SLCO1A2: variants seen among roughly 807,000 people sequenced by gnomAD.
SLCO1A2 encodes OATP-1.
SLCO1A2 carries 67 observed loss-of-function variants against 69.0 expected under a neutral mutation model. The observed-to-expected ratio is 0.97, with a 90% CI of 0.80 to 1.19. The LOEUF (loss-of-function observed/expected upper bound fraction) is 1.19. Among genes scored for constraint, SLCO1A2 ranks in the 50% most tolerant of loss-of-function variants. The probability of loss-of-function intolerance (pLI) is 0.00; values close to 1 mark genes in which losing one functional copy is unlikely to be tolerated. For missense variants in SLCO1A2, 787 were observed against 793.7 expected, an observed-to-expected ratio of 0.99 and a Z score of 0.10; for synonymous variants, 260 against 265.9, an observed-to-expected ratio of 0.98 and a Z score of 0.22.
chr12:21,362,922 T>A (rs1939043856), intron 2 of SLCO1A2, among the ~76,000 whole-genome samples: 1 of 152,208 alleles, frequency 6.6e-6, no homozygotes, highest in South Asian at 2.1e-4. Flanking sequence ...ACAAAGAGAC[T>A]TAGACTCCCA....
chr12:21,414,690 TTGTTTAGATATTTTAG>T (rs1941963467), intron 1 of SLCO1A2, among the ~76,000 whole-genome samples: 1 of 152,212 alleles, frequency 6.6e-6, no homozygotes, highest in Admixed American at 6.5e-5. Flanking sequence ...ATTGCATGTA[TTGTTTAGATATTTTAG>T]TGTTTAGATA....
chr12:21,292,220 C>T lies in SLCO1A2; in HGVS notation c.1554G>A (p.Ala518=), dbSNP rs370739142. Residue 518 remains alanine, a synonymous_variant, in exon 12 of 15, where the codon GCG becomes GCA. Transcript: ENST00000683939. The part of the protein sequence containing the change: ...LMLQYFLILS[A]MSSFIYSLAA... Reference sequence around the variant, plus strand: ...CCAAAGAATAAATGAAACTGCTCATCGCTGACAAGATTAGGAAGTACTGGA... The same window carrying T: ...CCAAAGAATAAATGAAACTGCTCATTGCTGACAAGATTAGGAAGTACTGGA... 7.4e-6 allele frequency: 12 copies of T among 1,612,312 alleles called. No homozygotes were observed. Among genetic ancestry groups the T allele is most frequent in the African/African-American group, 6.7e-5 (5 of 74,958 alleles).
At chr12:21,275,870 A>G (rs1056986349) in intron 12 of SLCO1A2, among the ~76,000 whole-genome samples, 1 of 152,084 alleles carries the variant, frequency 6.6e-6, no homozygotes, top group African/African-American at 2.4e-5. Flanking sequence ...TGAACCTGGG[A>G]GGCAGAGGTT....
chr12:21,368,506 C>G (rs1311298012), intron 2 of SLCO1A2, among the ~76,000 whole-genome samples: 4 of 151,788 alleles, frequency 2.6e-5, no homozygotes, highest in Non-Finnish European at 5.9e-5. Flanking sequence ...AACGTGAATG[C>G]TGAATGAATA....
At chr12:21,282,681 T>C (rs957672084) in intron 12 of SLCO1A2, among the ~76,000 whole-genome samples, 1 of 152,122 alleles carries the variant, frequency 6.6e-6, no homozygotes, top group Non-Finnish European at 1.5e-5. Context: ...GATCTTCTAT[T>C]TTGAAAAGCC....
chr12:21,353,481 AAAAG>A (rs1347563335), intron 2 of SLCO1A2, among the ~76,000 whole-genome samples: 10 of 151,886 alleles, frequency 6.6e-5, no homozygotes, highest in South Asian at 2.1e-4. Flanking sequence ...AGAAAAAAAA[AAAAG>A]AAAGAAAGAA....
intron 4 of SLCO1A2, among the ~76,000 whole-genome samples, chr12:21,312,960 C>A (rs1475576157): frequency 6.6e-6 from 1 of 152,026 alleles, no homozygotes; most frequent in Non-Finnish European, 1.5e-5. Context: ...GTGGCACATG[C>A]CTGTAGTTTC....
In SLCO1A2 at chr12:21,267,881, C is replaced by T. The variant is rs1397674822; in HGVS notation, c.*1667G>A. The T allele has an allele frequency of 6.6e-6, 1 of 152,088 alleles. No homozygotes were observed. The highest frequency in any genetic ancestry group is 1.9e-4 in the East Asian group (1 of 5,176). 9.4% of individuals were successfully genotyped at this position (152,088 alleles called of 1,614,324 possible). On this transcript the variant is annotated 3_prime_UTR_variant, in exon 15 of 15. Coordinates refer to ENST00000683939, the MANE Select transcript of SLCO1A2 (RefSeq NM_001386879.1). ...CATCAGATCTTAATACGATATCTCACTGCTGCAGTCATACCTACATCAAAG... is the reference window on the plus strand; with the variant it reads ...CATCAGATCTTAATACGATATCTCATTGCTGCAGTCATACCTACATCAAAG...
intron 12 of SLCO1A2, among the ~76,000 whole-genome samples, chr12:21,290,111 A>G (rs951337836): frequency 2.0e-5 from 3 of 151,954 alleles, no homozygotes; most frequent in Non-Finnish European, 4.4e-5. Flanking sequence ...ATGTGCATAT[A>G]TAATTTATAT....
At chr12:21,396,580 CA>C (rs1246704258), upstream of SLCO1A2, among the ~76,000 whole-genome samples, 1 of 151,436 alleles carries the variant, frequency 6.6e-6, no homozygotes, top group Non-Finnish European at 1.5e-5. Flanking sequence ...TCAGATTCAC[CA>C]AAGGTGAAAT....
intron 10 of SLCO1A2, 194 bp from the exon 11 acceptor site, chr12:21,294,304 T>A: frequency 4.9e-6 from 2 of 409,224 alleles, no homozygotes; most frequent in Middle Eastern, 6.2e-4. Flanking sequence ...ACATAGCCAC[T>A]CCTTCAATGA....
At chr12:21,352,360 A>G (rs1439273400) in intron 2 of SLCO1A2, among the ~76,000 whole-genome samples, 1 of 152,186 alleles carries the variant, frequency 6.6e-6, no homozygotes, top group East Asian at 1.9e-4. Flanking sequence ...TAGTGTCTGT[A>G]AAATCTCAAT....
At chr12:21,357,503 T>A (rs893326611) in intron 2 of SLCO1A2, among the ~76,000 whole-genome samples, 1 of 152,242 alleles carries the variant, frequency 6.6e-6, no homozygotes, top group Admixed American at 6.5e-5. Context: ...TTAAGCCACA[T>A]GGTGTTGCAG....
At chr12:21,289,199 T>TGTGC (rs1337232079) in intron 12 of SLCO1A2, among the ~76,000 whole-genome samples, 1 of 151,068 alleles carries the variant, frequency 6.6e-6, no homozygotes, top group Non-Finnish European at 1.5e-5. Context: ...TGTGTGTGTG[T>TGTGC]GTGTGTGTGT....
intron 1 of SLCO1A2, among the ~76,000 whole-genome samples, chr12:21,413,603 C>T (rs559060339): frequency 6.6e-6 from 1 of 152,034 alleles, no homozygotes; most frequent in Non-Finnish European, 1.5e-5. Context: ...AGACAAATTT[C>T]CACAGAGCTG....
At chr12:21,398,975 T>C (rs1443081465), upstream of SLCO1A2, among the ~76,000 whole-genome samples, 1 of 150,652 alleles carries the variant, frequency 6.6e-6, no homozygotes, top group Admixed American at 6.6e-5. Context: ...AAGACAGGGA[T>C]GCCCTCTCTC....
chr12:21,389,898 C>A (rs1294636155), intron 1 of SLCO1A2, among the ~76,000 whole-genome samples: 1 of 149,092 alleles, frequency 6.7e-6, no homozygotes, highest in Non-Finnish European at 1.5e-5. Flanking sequence ...TTATATAATT[C>A]TATTATATTA....
chr12:21,283,267 T>C (rs1046434840), intron 12 of SLCO1A2, among the ~76,000 whole-genome samples: 5 of 152,068 alleles, frequency 3.3e-5, no homozygotes, highest in African/African-American at 9.7e-5. Flanking sequence ...AAAAATCCAT[T>C]CATCTATGGT....
intron 2 of SLCO1A2, among the ~76,000 whole-genome samples, chr12:21,346,236 G>T (rs1953247636): frequency 6.6e-6 from 1 of 152,076 alleles, no homozygotes; most frequent in Admixed American, 6.6e-5. Flanking sequence ...TGATTATGCA[G>T]ATTAATCCGT....
Sources: allele counts gnomAD v4.1 joint callset (sites outside exome capture counted in the v4.1 genomes callset), GRCh38; gene constraint gnomAD v4.1.1; transcripts MANE v1.5; gene names NCBI Gene and HGNC (gene_info 2026-07-23, HGNC 2026-07-21).